IMPA2: variants seen among roughly 807,000 people sequenced by gnomAD.
The protein encoded by IMPA2 is inositol monophosphatase 2, also known as IMP 2.
IMPA2 carries 32 observed loss-of-function variants against 35.1 expected under a neutral mutation model. That is an observed-to-expected ratio of 0.91 (90% CI 0.69 to 1.23). The LOEUF (loss-of-function observed/expected upper bound fraction) is 1.23, where lower values mean the gene tolerates loss of function less well. IMPA2 is among the 50% of genes most tolerant of loss of function. The pLI is 0.00. For missense variants in IMPA2, 334 were observed against 387.6 expected (o/e 0.86, Z 1.16); for synonymous variants, 135 against 160.6 (o/e 0.84, Z 1.20).
intron 5 of IMPA2, among the ~76,000 whole-genome samples, chr18:12,025,762 T>G (rs1299147403): frequency 6.6e-6 from 1 of 152,120 alleles, no homozygotes; most frequent in Non-Finnish European, 1.5e-5. Context: ...GTATTTTTAA[T>G]AGAGACGGGG....
At chr18:11,982,446 CGAGTGTTGGTTCTCCCAG>C (rs1906530762) in intron 1 of IMPA2, among the ~76,000 whole-genome samples, 1 of 152,162 alleles carries the variant, frequency 6.6e-6, no homozygotes, top group Admixed American at 6.5e-5. Flanking sequence ...GGTAGGCAAG[CGAGTGTTGGTTCTCCCAG>C]GACTGTAAGA....
rs139232603 is a variant in IMPA2, at chr18:12,009,799, T to C, written c.231-84T>C. The C allele has an allele frequency of 7.4e-4, 725 of 985,970 alleles. 4 individuals are homozygous for C. In the African/African-American group the frequency reaches 1.0e-2, roughly 14 times the overall value. The allele number at this position is 985,970 out of a possible 1,614,324, so 61.1% of individuals were successfully genotyped here. Reference sequence around the variant, plus strand: ...GACATCTGTTTGCTGTGCCACCTTTTTCTTTAATGGGACTGGAAGCAATTT... The same window carrying C: ...GACATCTGTTTGCTGTGCCACCTTTCTCTTTAATGGGACTGGAAGCAATTT... On this transcript the variant is annotated intron_variant, in intron 2 of 7. Coordinates refer to ENST00000269159, the MANE Select transcript of IMPA2 (RefSeq NM_014214.3).
At chr18:12,002,301 C>T (rs886970594) in intron 2 of IMPA2, among the ~76,000 whole-genome samples, 1 of 152,108 alleles carries the variant, frequency 6.6e-6, no homozygotes, top group African/African-American at 2.4e-5. Context: ...GAGCTTTTCT[C>T]TTTCCTTGAT....
At chr18:11,986,225 C>T (rs1431907441) in intron 1 of IMPA2, among the ~76,000 whole-genome samples, 1 of 152,198 alleles carries the variant, frequency 6.6e-6, no homozygotes, top group African/African-American at 2.4e-5. Context: ...GTGAGCCTGT[C>T]GTCCCCTTGT....
At chr18:11,983,446 T>G (rs1906564781) in intron 1 of IMPA2, among the ~76,000 whole-genome samples, 1 of 152,170 alleles carries the variant, frequency 6.6e-6, no homozygotes, top group African/African-American at 2.4e-5. Context: ...CGAGCTAAGT[T>G]AGGAGTTTCT....
In IMPA2 at chr18:12,014,248, G is replaced by T; in HGVS notation, c.382-17G>T. The T allele has an allele frequency of 6.3e-7, 1 of 1,582,986 alleles. No homozygotes were observed. The highest frequency in any genetic ancestry group is 8.7e-7 in the Non-Finnish European group (1 of 1,152,052). On this transcript the variant is annotated splice_polypyrimidine_tract_variant and intron_variant, in intron 4 of 7. Transcript: ENST00000269159. Reference sequence around the variant, plus strand: ...GTGAACCATCTTTGTTTTCTGTCCTGCCTCTGCCGCCCACAGCTTGAATTC... The same window carrying T: ...GTGAACCATCTTTGTTTTCTGTCCTTCCTCTGCCGCCCACAGCTTGAATTC...
intron 2 of IMPA2, among the ~76,000 whole-genome samples, chr18:12,000,677 G>A (rs1441395059): frequency 2.1e-5 from 3 of 145,918 alleles, no homozygotes; most frequent in Non-Finnish European, 3.0e-5. Context: ...GTGCAGTGGC[G>A]TGATCTTGGC....
At chr18:12,005,381 A>G (rs1300474312) in intron 2 of IMPA2, among the ~76,000 whole-genome samples, 1 of 152,190 alleles carries the variant, frequency 6.6e-6, no homozygotes, top group African/African-American at 2.4e-5. Context: ...GCTACTCAGG[A>G]GGCTGAGGCA....
At chr18:12,021,501 C>T (rs767487253) in intron 5 of IMPA2, among the ~76,000 whole-genome samples, 13 of 152,158 alleles carry the variant, frequency 8.5e-5, no homozygotes, top group Non-Finnish European at 1.5e-4. Context: ...GCACAACTGC[C>T]TCTTACTCTG....
At chr18:11,987,691 C>T (rs949899690) in intron 1 of IMPA2, among the ~76,000 whole-genome samples, 2 of 152,148 alleles carry the variant, frequency 1.3e-5, no homozygotes, top group African/African-American at 4.8e-5. Flanking sequence ...GGTAACGTTG[C>T]TGTGAACTTT....
chr18:11,985,729 T>C (rs937988296), intron 1 of IMPA2, among the ~76,000 whole-genome samples: 1 of 152,280 alleles, frequency 6.6e-6, no homozygotes, highest in East Asian at 1.9e-4. Context: ...TGGGTCGGCG[T>C]GATGGACAGG....
chr18:12,019,420 ATTTTTTTTT>A (rs1023606644), intron 5 of IMPA2, among the ~76,000 whole-genome samples: 1 of 133,104 alleles, frequency 7.5e-6, no homozygotes, highest in African/African-American at 2.8e-5. Flanking sequence ...TGTCCGGCTA[ATTTTTTTTT>A]TTTTTTTTTT....
At chr18:12,014,243 G>C in intron 4 of IMPA2, 22 bp from the exon 5 acceptor site, 5 of 1,559,592 alleles carry the variant, frequency 3.2e-6, no homozygotes, top group Middle Eastern at 1.7e-4. Flanking sequence ...TTTGTTTTCT[G>C]TCCTGCCTCT....
At chr18:11,988,858 G>T (rs766249484) in intron 1 of IMPA2, among the ~76,000 whole-genome samples, 10 of 152,068 alleles carry the variant, frequency 6.6e-5, no homozygotes, top group Non-Finnish European at 1.2e-4. Context: ...TTGAGACAGG[G>T]TATCGCTTTG....
intron 2 of IMPA2, among the ~76,000 whole-genome samples, chr18:12,003,249 T>C (rs1457812615): frequency 6.6e-6 from 1 of 152,086 alleles, no homozygotes; most frequent in Non-Finnish European, 1.5e-5. Context: ...CCTAGCAGCT[T>C]TGGCAAATCT....
chr18:11,986,946 G>A (rs542646008), intron 1 of IMPA2, among the ~76,000 whole-genome samples: 2 of 152,182 alleles, frequency 1.3e-5, no homozygotes, highest in East Asian at 3.9e-4. Context: ...TCTTTCTAAT[G>A]CAACTTGTAT....
chr18:12,030,459 C>A lies in IMPA2; in HGVS notation c.*1C>A, dbSNP rs1191706322. On this transcript the variant is annotated 3_prime_UTR_variant, in exon 8 of 8. Transcript: ENST00000269159. ...CTATGGGCGGGATGATGAGAAGTGA[C>A]TGCGGCTGAGGCAAAGCTGCTCCCA... 1.9e-6 allele frequency: 3 copies of A among 1,613,026 alleles called. No homozygotes were observed. Among genetic ancestry groups the A allele is most frequent in the South Asian group, 2.2e-5 (2 of 91,064 alleles).
intron 5 of IMPA2, among the ~76,000 whole-genome samples, chr18:12,025,422 T>C (rs971077640): frequency 6.6e-6 from 1 of 152,240 alleles, no homozygotes; most frequent in Non-Finnish European, 1.5e-5. Flanking sequence ...GGTAAGAGTA[T>C]GTTTAGATTT....
intron 2 of IMPA2, among the ~76,000 whole-genome samples, chr18:12,000,738 C>A (rs758228300): frequency 6.9e-4 from 104 of 150,750 alleles, no homozygotes; most frequent in Middle Eastern, 3.4e-3. Flanking sequence ...GCCTCAGCCT[C>A]CTGAGTAGCT....
Sources: allele counts gnomAD v4.1 joint callset (sites outside exome capture counted in the v4.1 genomes callset), GRCh38; gene constraint gnomAD v4.1.1; transcripts MANE v1.5; gene names NCBI Gene and HGNC (gene_info 2026-07-23, HGNC 2026-07-21).